The following OR3A2 variants were observed in gnomAD, a reference collection of about 807,000 sequenced individuals.
The protein encoded by OR3A2 is olfactory receptor 3A2.
For synonymous variants in OR3A2, 126 were observed against 159.3 expected (o/e 0.79, Z 1.57); for missense variants, 318 against 392.8 (o/e 0.81, Z 1.61).
intron 2 of OR3A2, among the ~76,000 whole-genome samples, chr17:3,350,233 C>T (rs1269735433): frequency 3.3e-5 from 5 of 151,828 alleles, no homozygotes; most frequent in South Asian, 2.1e-4. Context: ...AAAAAATTAA[C>T]GAATCCAGGA....
intron 2 of OR3A2, among the ~76,000 whole-genome samples, chr17:3,346,933 G>C (rs1202439736): frequency 6.6e-6 from 1 of 152,002 alleles, no homozygotes; most frequent in Non-Finnish European, 1.5e-5. Context: ...TTATCCATTT[G>C]TCTGTTGATG....
chr17:3,319,106 C>A (rs1418427758), intron 3 of OR3A2, among the ~76,000 whole-genome samples: 2 of 152,114 alleles, frequency 1.3e-5, no homozygotes, highest in African/African-American at 4.8e-5. Flanking sequence ...TAGTCCATAG[C>A]CTTTACTATC....
chr17:3,343,910 T>C (rs1336718777), intron 2 of OR3A2, among the ~76,000 whole-genome samples: 1 of 152,144 alleles, frequency 6.6e-6, no homozygotes, highest in Non-Finnish European at 1.5e-5. Flanking sequence ...CAACCAACAC[T>C]TGAAATGCTG....
At chr17:3,278,045 A>T (rs750514005) in exon 2 of OR3A2, 15 of 1,612,942 alleles carry the variant, frequency 9.3e-6, no homozygotes, top group Non-Finnish European at 1.3e-5. Flanking sequence ...GGCTGTAGAT[A>T]AGAGGGTTCA....
chr17:3,368,982 T>A (rs770664589), intron 2 of OR3A2, among the ~76,000 whole-genome samples: 17 of 152,206 alleles, frequency 1.1e-4, no homozygotes, highest in Non-Finnish European at 2.2e-4. Context: ...TAAGTATACA[T>A]ATATTTTTTG....
chr17:3,296,696 A>G (rs1424485686), intron 3 of OR3A2, among the ~76,000 whole-genome samples: 4 of 152,214 alleles, frequency 2.6e-5, no homozygotes, highest in African/African-American at 7.2e-5. Flanking sequence ...AATTGGTAAA[A>G]TATGATTAAA....
At chr17:3,284,837 T>C (rs2150618310), upstream of OR3A2, among the ~76,000 whole-genome samples, 1 of 144,482 alleles carries the variant, frequency 6.9e-6, no homozygotes, top group East Asian at 1.9e-4. Flanking sequence ...ATATTTTCTT[T>C]CCCAGATATC....
upstream of OR3A2, among the ~76,000 whole-genome samples, chr17:3,287,884 A>G (rs1199515172): frequency 6.6e-6 from 1 of 151,716 alleles, no homozygotes; most frequent in Non-Finnish European, 1.5e-5. Context: ...TTTTATAATA[A>G]AATTATTGTG....
exon 2 of OR3A2, chr17:3,278,469 G>T: frequency 6.2e-7 from 1 of 1,614,188 alleles, no homozygotes. Flanking sequence ...AGCCAAGGAC[G>T]CAGCCACCAA....
exon 2 of OR3A2, chr17:3,278,110 C>G (rs763138288): frequency 5.6e-6 from 9 of 1,614,106 alleles, no homozygotes; most frequent in African/African-American, 4.0e-5. Context: ...TTGTCTGAAG[C>G]CTCCTCTGAA....
chr17:3,330,156 TGTG>T (rs2049217585), intron 3 of OR3A2, among the ~76,000 whole-genome samples: 2 of 150,172 alleles, frequency 1.3e-5, no homozygotes, highest in South Asian at 4.2e-4. Flanking sequence ...TTGGAATAGG[TGTG>T]GTGTGGTGCT....
At chr17:3,374,892 A>G (rs185157313) in intron 2 of OR3A2, among the ~76,000 whole-genome samples, 1 of 151,918 alleles carries the variant, frequency 6.6e-6, no homozygotes. Flanking sequence ...CCCAAAGTCC[A>G]TTGTATCATT....
At chr17:3,354,276 G>C (rs1375526209) in intron 2 of OR3A2, among the ~76,000 whole-genome samples, 1 of 150,346 alleles carries the variant, frequency 6.7e-6, no homozygotes, top group Admixed American at 6.6e-5. Context: ...TTAAATATTT[G>C]CTAGAATTCA....
chr17:3,318,756 T>C (rs2049096069), intron 3 of OR3A2, among the ~76,000 whole-genome samples: 1 of 152,220 alleles, frequency 6.6e-6, no homozygotes, highest in African/African-American at 2.4e-5. Context: ...GCTATTTCCC[T>C]AAATGGGCCA....
At chr17:3,318,790 C>T (rs1190784958) in intron 3 of OR3A2, among the ~76,000 whole-genome samples, 1 of 152,142 alleles carries the variant, frequency 6.6e-6, no homozygotes, top group Non-Finnish European at 1.5e-5. Context: ...ATTTTCAACA[C>T]TTTTATGAAT....
intron 2 of OR3A2, among the ~76,000 whole-genome samples, chr17:3,347,071 G>A (rs777716696): frequency 6.6e-6 from 1 of 152,066 alleles, no homozygotes; most frequent in Non-Finnish European, 1.5e-5. Flanking sequence ...GAGACTGCTG[G>A]ATCATAGGAT....
chr17:3,365,861 T>A (rs1207481368), intron 2 of OR3A2, among the ~76,000 whole-genome samples: 2 of 152,068 alleles, frequency 1.3e-5, no homozygotes, highest in African/African-American at 4.8e-5. Context: ...AAAGGAAAAA[T>A]TTTTGGAAAT....
At chr17:3,355,673 T>G (rs2049460995) in intron 2 of OR3A2, among the ~76,000 whole-genome samples, 1 of 151,392 alleles carries the variant, frequency 6.6e-6, no homozygotes, top group African/African-American at 2.4e-5. Context: ...CATGGAATCT[T>G]TTTCCATCTA....
At chr17:3,316,153 G>T (rs1463246961) in intron 3 of OR3A2, among the ~76,000 whole-genome samples, 2 of 152,140 alleles carry the variant, frequency 1.3e-5, no homozygotes, top group African/African-American at 4.8e-5. Context: ...CCAGTCAAAG[G>T]TGGTGACTAA....
Sources: gnomAD v4.1 joint callset for allele counts (sites outside exome capture counted in the v4.1 genomes callset) on GRCh38, gnomAD v4.1.1 for gene constraint, MANE v1.5 for transcripts, NCBI Gene and HGNC (gene_info 2026-07-23, HGNC 2026-07-21) for gene names.